RAB42: variants seen among roughly 807,000 people sequenced by gnomAD.
RAB42 encodes RAB42, member RAS oncogene family, also known as ras-related protein Rab-42.
A neutral mutation model predicts 7.5 loss-of-function variants in RAB42; 4 were observed. The ratio of observed to expected loss-of-function variants is 0.53; its 90% CI spans 0.26 to 1.22. The LOEUF (loss-of-function observed/expected upper bound fraction) is 1.22, where lower values mean the gene tolerates loss of function less well. Among genes scored for constraint, RAB42 ranks in the 50% most tolerant of loss-of-function variants. The probability of loss-of-function intolerance (pLI) is 0.13; values close to 1 mark genes in which losing one functional copy is unlikely to be tolerated. For synonymous variants in RAB42, 82 were observed against 129.0 expected (o/e 0.64, Z 2.47); for missense variants, 208 against 281.2 (o/e 0.74, Z 1.86).
chr1:28,593,712 T>C lies in RAB42; in HGVS notation c.252T>C (p.Phe84=), dbSNP rs1249398360. ...TCCCCAGGTGCATCACCAGGTCCTT[T>C]TACCGGAATGTGGTGGGTGTCCTGC... The part of the protein sequence containing the change: ...HERFRCITRS[F]YRNVVGVLLV... Residue 84 remains phenylalanine, a synonymous_variant, in exon 2 of 2, where the codon TTT becomes TTC. Coordinates refer to ENST00000465518, the MANE Select transcript of RAB42 (RefSeq NM_001193532.3). 6.5e-7 allele frequency: 1 copy of C among 1,542,620 alleles called. No homozygotes were observed. Among genetic ancestry groups the C allele is most frequent in the African/African-American group, 1.4e-5 (1 of 72,958 alleles).
chr1:28,592,686 C>T lies in RAB42; in HGVS notation c.175C>T (p.Arg59Trp), dbSNP rs1666343687. The T allele has an allele frequency of 1.6e-6, 2 of 1,229,382 alleles. No individual in the cohort carries two copies. Among genetic ancestry groups the T allele is most frequent in the African/African-American group, 1.6e-5 (1 of 64,200 alleles). The allele number at this position is 1,229,382 out of a possible 1,614,324, so 76.2% of individuals were successfully genotyped here. A position where few individuals can be genotyped will look rare whatever the true frequency, so the allele number is the denominator to read the frequency against. ...GTGCTACCGCCGCGCGCTGCAGCTGCGGGCCGGGCCGCGGGTCAAGCTGCA... is the reference window on the plus strand; with the variant it reads ...GTGCTACCGCCGCGCGCTGCAGCTGTGGGCCGGGCCGCGGGTCAAGCTGCA... ...AECYRRALQL[R>W]AGPRVKLQLW... is the part of the protein sequence containing the mutation. The change falls in exon 1 of 2, where the codon CGG becomes TGG. Residue 59 changes from arginine (R) to tryptophan (W), a missense_variant. Coordinates refer to ENST00000465518, the MANE Select transcript of RAB42 (RefSeq NM_001193532.3). The surrounding 1 kb of genome is among the most constrained non-coding windows in gnomAD (Gnocchi z 4.1).
At chr1:28,596,083 A>G (rs975988129), downstream of RAB42, among the ~76,000 whole-genome samples, 1 of 150,466 alleles carries the variant, frequency 6.6e-6, no homozygotes, top group African/African-American at 2.4e-5. Context: ...CTTCCTCCCC[A>G]TGGAGAGGGG....
At chr1:28,593,613 G>C (rs1471579477) in intron 1 of RAB42, 81 bp from the exon 2 acceptor site, 14 of 1,399,818 alleles carry the variant, frequency 1.0e-5, no homozygotes, top group Admixed American at 2.5e-5. Context: ...TGGATCCCAG[G>C]GGGAGGAGGT....
At position 28,592,840 on chromosome 1, in the gene RAB42, A is replaced by T. The variant is rs906952781; in HGVS notation, c.233+96A>T. Reference sequence around the variant, plus strand: ...CTCCCGAGAGGCCAACTCAGAGGTCAGGCGGAGGGCGAGGTCCCTGCCCTG... The same window carrying T: ...CTCCCGAGAGGCCAACTCAGAGGTCTGGCGGAGGGCGAGGTCCCTGCCCTG... On this transcript the variant is annotated intron_variant, in intron 1 of 1. Transcript: ENST00000465518. This position sits in a 1 kb window ranked among gnomAD's most constrained non-coding sequence, Gnocchi z 4.1. 1.9e-6 allele frequency: 1 copy of T among 529,778 alleles called. No individual in the cohort carries two copies. Among genetic ancestry groups the T allele is most frequent in the African/African-American group, 2.0e-5 (1 of 50,710 alleles). The allele number at this position is 529,778 out of a possible 1,614,324, so 32.8% of individuals were successfully genotyped here. A position where few individuals can be genotyped will look rare whatever the true frequency, so the allele number is the denominator to read the frequency against.
Position 28,592,773 on chromosome 1 carries a change from T to TTC in RAB42, c.233+31_233+32dup. On this transcript the variant is annotated intron_variant, in intron 1 of 1. Coordinates refer to ENST00000465518, the MANE Select transcript of RAB42 (RefSeq NM_001193532.3). This position sits in a 1 kb window ranked among gnomAD's most constrained non-coding sequence, Gnocchi z 4.1. Reference sequence around the variant, plus strand: ...CGGGTAGCCGGGGCGCGGGAGGGACTTCTGGTGGGGGGCTCGGTGAGCGTG... The same window carrying TTC: ...CGGGTAGCCGGGGCGCGGGAGGGACTTCTCTGGTGGGGGGCTCGGTGAGCGTG... 1 of 1,106,400 alleles carries TTC rather than the reference T, an allele frequency of 9.0e-7. No homozygotes were observed. Among genetic ancestry groups the TTC allele is most frequent in the Non-Finnish European group, 1.1e-6 (1 of 873,884 alleles). 68.5% of individuals were successfully genotyped at this position (1,106,400 alleles called of 1,614,324 possible).
At position 28,594,223 on chromosome 1, in the gene RAB42, C is replaced by G. The variant is rs912088356; in HGVS notation, c.*106C>G. ...CAAATGACAGAAGGGTTCATATAAA[C>G]AGTATCCTGACACAGTCATGCTTCC... On this transcript the variant is annotated 3_prime_UTR_variant, in exon 2 of 2. Coordinates refer to ENST00000465518, the MANE Select transcript of RAB42 (RefSeq NM_001193532.3). 1 of 1,117,312 alleles carries G rather than the reference C, an allele frequency of 9.0e-7. No individual in the cohort carries two copies. The highest frequency in any genetic ancestry group is 1.3e-6 in the Non-Finnish European group (1 of 797,278). The allele number at this position is 1,117,312 out of a possible 1,614,324, so 69.2% of individuals were successfully genotyped here.
chr1:28,595,466 C>T (rs1040045842), downstream of RAB42: 2 of 166,836 alleles, frequency 1.2e-5, no homozygotes, highest in African/African-American at 4.8e-5. Flanking sequence ...AATCTGCCTC[C>T]TGGTAACCTA....
chr1:28,593,017 G>A (rs1463701636), intron 1 of RAB42, among the ~76,000 whole-genome samples: 1 of 152,128 alleles, frequency 6.6e-6, no homozygotes, highest in African/African-American at 2.4e-5. Flanking sequence ...CTGGCCCCGG[G>A]TGCTGAGAGC....
rs1666379573 is a variant in RAB42, at chr1:28,593,957, T to C, written c.497T>C (p.Val166Ala). ...ACCTCGGTTAAAAACAACTGCAATG[T>C]GGACCTGGCCTTTGACACCCTCGCT... ...VETSVKNNCN[V>A]DLAFDTLADA... The change falls in exon 2 of 2, where the codon GTG (valine) becomes GCG (alanine). Residue 166 changes from valine (V) to alanine (A), a missense_variant. Coordinates refer to ENST00000465518, the MANE Select transcript of RAB42 (RefSeq NM_001193532.3). 6.2e-7 allele frequency: 1 copy of C among 1,613,500 alleles called. No homozygotes were observed. Among genetic ancestry groups the C allele is most frequent in the South Asian group, 1.1e-5 (1 of 91,054 alleles).
At position 28,593,869 on chromosome 1, in the gene RAB42, C is replaced by T. The variant is rs1440861683; in HGVS notation, c.409C>T (p.Arg137Cys). The change falls in exon 2 of 2, where the codon CGC (arginine) becomes TGC (cysteine). Residue 137 changes from arginine to cysteine, a missense_variant. Arg to Cys is a radical substitution (Grantham distance 180). Transcript: ENST00000465518. ...CCACAAGAGTGACCTGCAGAGCACCCGCTGTGTCTCAGCCCAGGAGGCCGA... is the reference window on the plus strand; with the variant it reads ...CCACAAGAGTGACCTGCAGAGCACCTGCTGTGTCTCAGCCCAGGAGGCCGA... Reference protein sequence around the residue: ...VGHKSDLQSTRCVSAQEAEEL... With the variant: ...VGHKSDLQSTCCVSAQEAEEL... The T allele has an allele frequency of 6.9e-6, 11 of 1,601,372 alleles. No individual in the cohort carries two copies. The highest frequency in any genetic ancestry group is 1.7e-5 in the Admixed American group (1 of 57,634).
chr1:28,595,850 G>A (rs1288788333), downstream of RAB42, among the ~76,000 whole-genome samples: 1 of 152,074 alleles, frequency 6.6e-6, no homozygotes, highest in Admixed American at 6.5e-5. Flanking sequence ...AGGTTGCAGC[G>A]AGCCACGATC....
Position 28,592,639 on chromosome 1 carries a change from C to G in RAB42, c.128C>G (p.Pro43Arg). ...APGAPEPEPE[P>R]EPTVGAECYR... is the part of the protein sequence containing the mutation. Reference sequence around the variant, plus strand: ...GGCGCCCCGGAGCCGGAGCCCGAGCCCGAGCCCACGGTGGGCGCCGAGTGC... The same window carrying G: ...GGCGCCCCGGAGCCGGAGCCCGAGCGCGAGCCCACGGTGGGCGCCGAGTGC... Residue 43 changes from proline to arginine, a missense_variant, in exon 1 of 2, where the codon CCC becomes CGC. Transcript: ENST00000465518. The surrounding 1 kb of genome is among the most constrained non-coding windows in gnomAD (Gnocchi z 4.1). 2 of 1,225,902 alleles carry G rather than the reference C, an allele frequency of 1.6e-6. No individual in the cohort carries two copies. The highest frequency in any genetic ancestry group is 4.1e-5 in the South Asian group (1 of 24,282). The allele number at this position is 1,225,902 out of a possible 1,614,324, so 75.9% of individuals were successfully genotyped here.
At chr1:28,596,566 G>A (rs540340842), downstream of RAB42, among the ~76,000 whole-genome samples, 2 of 152,296 alleles carry the variant, frequency 1.3e-5, no homozygotes, top group African/African-American at 2.4e-5. Context: ...AGGCTGCAGC[G>A]AGCTGACACC....
rs1293302041 is a variant in RAB42 at position 28,593,836 on chromosome 1, C to T, written c.376C>T (p.Leu126=). 1 of 1,582,708 alleles carries T rather than the reference C, an allele frequency of 6.3e-7. No homozygotes were observed. The highest frequency in any genetic ancestry group is 8.6e-7 in the Non-Finnish European group (1 of 1,164,740). The change falls in exon 2 of 2, where the codon CTG becomes TTG. Residue 126 remains leucine, a synonymous_variant. Transcript: ENST00000465518. Reference sequence around the variant, plus strand: ...GGGCCCGGACAAGGTCATCTTCCTGCTGGTTGGCCACAAGAGTGACCTGCA... The same window carrying T: ...GGGCCCGGACAAGGTCATCTTCCTGTTGGTTGGCCACAAGAGTGACCTGCA... The part of the protein sequence containing the change: ...TQGPDKVIFL[L]VGHKSDLQST...
rs1480979206 is a variant in RAB42 at position 28,594,998 on chromosome 1, C to A, written c.*881C>A. 9 of 167,204 alleles carry A rather than the reference C, an allele frequency of 5.4e-5. No individual in the cohort carries two copies. The highest frequency in any genetic ancestry group is 2.1e-4 in the South Asian group (1 of 4,834). 10.4% of individuals were successfully genotyped at this position (167,204 alleles called of 1,614,324 possible). On this transcript the variant is annotated 3_prime_UTR_variant, in exon 2 of 2. Transcript: ENST00000465518. Reference sequence around the variant, plus strand: ...ACCCAGGGTTGCTGGCCAATGCCCCCCCGACCAGGCCCAGGGGCTGAAAAA... The same window carrying A: ...ACCCAGGGTTGCTGGCCAATGCCCCACCGACCAGGCCCAGGGGCTGAAAAA...
chr1:28,593,925 C>G lies in RAB42; in HGVS notation c.465C>G (p.Phe155Leu). 6.2e-7 allele frequency: 1 copy of G among 1,613,718 alleles called. No individual in the cohort carries two copies. Among genetic ancestry groups the G allele is most frequent in the Admixed American group, 1.7e-5 (1 of 59,960 alleles). ...TAGCTGCCTCCCTGGGCATGGCCTT[C>G]GTGGAGACCTCGGTTAAAAACAACT... ...EELAASLGMA[F>L]VETSVKNNCN... Residue 155 changes from phenylalanine (F) to leucine (L), a missense_variant, in exon 2 of 2, where the codon TTC becomes TTG. By Grantham distance (22) the Phe-to-Leu change is conservative (BLOSUM62 0). Coordinates refer to ENST00000465518, the MANE Select transcript of RAB42 (RefSeq NM_001193532.3).
In RAB42 at chr1:28,595,419, C is replaced by G. The variant is rs1666417474; in HGVS notation, c.*1302C>G. ...AAACAGGTATCCATTTCAAGAATATCCCCTAATAAACATCTGCACACTCAT... is the reference window on the plus strand; with the variant it reads ...AAACAGGTATCCATTTCAAGAATATGCCCTAATAAACATCTGCACACTCAT... On this transcript the variant is annotated 3_prime_UTR_variant, in exon 2 of 2. Transcript: ENST00000465518. 2 of 167,060 alleles carry G rather than the reference C, an allele frequency of 1.2e-5. No homozygotes were observed. The highest frequency in any genetic ancestry group is 1.3e-4 in the Admixed American group (2 of 15,276). The allele number at this position is 167,060 out of a possible 1,614,324, so 10.3% of individuals were successfully genotyped here. A position where few individuals can be genotyped will look rare whatever the true frequency, so the allele number is the denominator to read the frequency against.
chr1:28,592,683 C>T lies in RAB42; in HGVS notation c.172C>T (p.Leu58=). Reference sequence around the variant, plus strand: ...CGAGTGCTACCGCCGCGCGCTGCAGCTGCGGGCCGGGCCGCGGGTCAAGCT... The same window carrying T: ...CGAGTGCTACCGCCGCGCGCTGCAGTTGCGGGCCGGGCCGCGGGTCAAGCT... The part of the protein sequence containing the change: ...GAECYRRALQ[L]RAGPRVKLQL... The change falls in exon 1 of 2, where the codon CTG becomes TTG. Residue 58 remains leucine, a synonymous_variant. Transcript: ENST00000465518. The surrounding 1 kb of genome is among the most constrained non-coding windows in gnomAD (Gnocchi z 4.1). 8.1e-7 allele frequency: 1 copy of T among 1,229,496 alleles called. No individual in the cohort carries two copies. The allele number at this position is 1,229,496 out of a possible 1,614,324, so 76.2% of individuals were successfully genotyped here. A position where few individuals can be genotyped will look rare whatever the true frequency, so the allele number is the denominator to read the frequency against.
Position 28,592,420 on chromosome 1 carries a change from G to A in RAB42, c.-92G>A. Reference sequence around the variant, plus strand: ...GCCGGGTACGGTGGCTGGGCGCGGGGAGCGGGGGGCGGCGCCGGCGGGGCC... The same window carrying A: ...GCCGGGTACGGTGGCTGGGCGCGGGAAGCGGGGGGCGGCGCCGGCGGGGCC... On this transcript the variant is annotated 5_prime_UTR_variant, in exon 1 of 2. Transcript: ENST00000465518. This position sits in a 1 kb window ranked among gnomAD's most constrained non-coding sequence, Gnocchi z 4.1. The A allele has an allele frequency of 7.6e-6, 4 of 524,136 alleles. No individual in the cohort carries two copies. Among genetic ancestry groups the A allele is most frequent in the Non-Finnish European group, 1.0e-5 (4 of 385,002 alleles). 32.5% of individuals were successfully genotyped at this position (524,136 alleles called of 1,614,324 possible). A position where few individuals can be genotyped will look rare whatever the true frequency, so the allele number is the denominator to read the frequency against.
Sources: allele counts gnomAD v4.1 joint callset (sites outside exome capture counted in the v4.1 genomes callset), GRCh38; gene constraint gnomAD v4.1.1; non-coding constraint Gnocchi (gnomAD v3.1); transcripts MANE v1.5; gene names NCBI Gene and HGNC (gene_info 2026-07-23, HGNC 2026-07-21).